SYN3: variants seen among roughly 807,000 people sequenced by gnomAD.
The protein encoded by SYN3 is synapsin III.
In SYN3, 35 loss-of-function variants were observed where a neutral mutation model predicts 65.8. The observed-to-expected ratio is 0.53, with a 90% CI of 0.41 to 0.70. The LOEUF (loss-of-function observed/expected upper bound fraction) is 0.70, where lower values mean the gene tolerates loss of function less well. Among genes scored for constraint, SYN3 ranks in the 30% least tolerant of loss-of-function variants. The probability of loss-of-function intolerance (pLI) is 0.00; values close to 1 mark genes in which losing one functional copy is unlikely to be tolerated. For missense variants in SYN3, 680 were observed against 749.0 expected, an observed-to-expected ratio of 0.91 and a Z score of 1.08; for synonymous variants, 270 against 292.9, an observed-to-expected ratio of 0.92 and a Z score of 0.80.
intron 7 of SYN3, among the ~76,000 whole-genome samples, chr22:32,559,103 A>G (rs1477709993): frequency 6.6e-6 from 1 of 152,248 alleles, no homozygotes; most frequent in African/African-American, 2.4e-5. Flanking sequence ...GGTAAGTACT[A>G]CTATTCCCAT....
At chr22:33,007,362 A>G (rs2145803597) in intron 1 of SYN3, among the ~76,000 whole-genome samples, 1 of 152,370 alleles carries the variant, frequency 6.6e-6, no homozygotes, top group African/African-American at 2.4e-5. Context: ...TGGTAACGCA[A>G]GTACATGCCT....
intron 3 of SYN3, among the ~76,000 whole-genome samples, chr22:32,948,544 G>A (rs1356178744): frequency 6.6e-6 from 1 of 152,018 alleles, no homozygotes; most frequent in Non-Finnish European, 1.5e-5. Flanking sequence ...AGACCATACT[G>A]GCTAACATGG....
At chr22:32,856,770 G>T (rs56060912) in intron 6 of SYN3, among the ~76,000 whole-genome samples, 6 of 151,974 alleles carry the variant, frequency 3.9e-5, no homozygotes, top group African/African-American at 1.5e-4. Context: ...CTTGTTCTGC[G>T]TACTCGTATT....
At chr22:32,669,221 G>T (rs1033559994) in intron 6 of SYN3, among the ~76,000 whole-genome samples, 1 of 152,152 alleles carries the variant, frequency 6.6e-6, no homozygotes, top group Non-Finnish European at 1.5e-5. Flanking sequence ...TATGCTGAAT[G>T]CTCTGATATC....
At chr22:32,964,485 T>C (rs1205507574) in intron 3 of SYN3, among the ~76,000 whole-genome samples, 1 of 150,312 alleles carries the variant, frequency 6.7e-6, no homozygotes, top group African/African-American at 2.5e-5. Context: ...CCTGAGAACA[T>C]GGATCTGAAA....
chr22:32,544,415 C>T (rs1601603894), intron 7 of SYN3, among the ~76,000 whole-genome samples: 1 of 152,336 alleles, frequency 6.6e-6, no homozygotes, highest in South Asian at 2.1e-4. Context: ...ATCTCTACAT[C>T]TTCATTCCCC....
rs758427931 is a variant in SYN3, at chr22:32,538,092, C to T, written c.936G>A (p.Gly312=). The change falls in exon 9 of 14, where the codon GGG becomes GGA. Residue 312 remains glycine, a synonymous_variant. Transcript: ENST00000358763. Reference sequence around the variant, plus strand: ...CAGAGCCTGTGTTGGCCTTCCAGTTCCCAGAGATGGAGGTTCTCCTGTACC... The same window carrying T: ...CAGAGCCTGTGTTGGCCTTCCAGTTTCCAGAGATGGAGGTTCTCCTGTACC... The part of the protein sequence containing the change: ...YKAYMRTSIS[G]NWKANTGSAM... The T allele has an allele frequency of 1.9e-6, 3 of 1,614,178 alleles. No homozygotes were observed.
intron 6 of SYN3, among the ~76,000 whole-genome samples, chr22:32,627,668 C>T (rs2059687421): frequency 6.6e-6 from 1 of 152,224 alleles, no homozygotes; most frequent in South Asian, 2.1e-4. Flanking sequence ...GACACCCAGA[C>T]ACACACAGAG....
chr22:32,824,788 T>C (rs995907895), intron 6 of SYN3, among the ~76,000 whole-genome samples: 1 of 152,188 alleles, frequency 6.6e-6, no homozygotes, highest in African/African-American at 2.4e-5. Context: ...ATGTCTTTGA[T>C]ACTGAGTAAA....
intron 7 of SYN3, among the ~76,000 whole-genome samples, chr22:32,593,239 C>A (rs544582264): frequency 6.6e-6 from 1 of 151,500 alleles, no homozygotes; most frequent in African/African-American, 2.4e-5. Context: ...AGTTTATTCT[C>A]GTCTGTGTCA....
intron 6 of SYN3, 65 bp from the exon 7 acceptor site, chr22:32,596,801 T>C (rs1307467364): frequency 6.6e-7 from 1 of 1,505,858 alleles, no homozygotes; most frequent in Non-Finnish European, 9.2e-7. Flanking sequence ...CTCTGGGTGC[T>C]GCTTGTTCCA....
intron 7 of SYN3, among the ~76,000 whole-genome samples, chr22:32,569,561 C>CTATATATATATATATATA (rs1458371419): frequency 1.9e-5 from 1 of 51,732 alleles, no homozygotes; most frequent in Non-Finnish European, 4.0e-5. Context: ...CTCTCTCTCT[C>CTATATATATATATATATA]TCTCTCTCTC....
Position 32,788,110 on chromosome 22 carries a change from G to GT in SYN3, c.711+76804dup, listed in dbSNP as rs1212479812. On this transcript the variant is annotated intron_variant, in intron 6 of 13. Transcript: ENST00000358763. ...TTGAGCAGAAGAGTAATATGATCTC[G>GT]TTTTTTTTCTCTTGAAATCGGATAA... 2.6e-4 allele frequency among the ~76,000 whole-genome samples: 39 copies of GT among 152,008 alleles called. No homozygotes were observed. The South Asian group carries it at 8.1e-3, about 32-fold the overall frequency.
intron 6 of SYN3, among the ~76,000 whole-genome samples, chr22:32,765,631 G>C (rs889868053): frequency 6.6e-6 from 1 of 152,204 alleles, no homozygotes; most frequent in Non-Finnish European, 1.5e-5. Flanking sequence ...ACTCCTGGGA[G>C]AGCTGGACAC....
intron 6 of SYN3, among the ~76,000 whole-genome samples, chr22:32,624,102 T>G (rs550468348): frequency 5.3e-5 from 8 of 152,238 alleles, no homozygotes; most frequent in Non-Finnish European, 7.3e-5. Context: ...CCTTGAAAAC[T>G]GATCCTCTTC....
chr22:32,731,986 C>A (rs114630601), intron 6 of SYN3, among the ~76,000 whole-genome samples: 23 of 152,242 alleles, frequency 1.5e-4, no homozygotes, highest in African/African-American at 5.1e-4. Context: ...TGTTTTGAGG[C>A]GACTGAGAAA....
intron 4 of SYN3, among the ~76,000 whole-genome samples, chr22:32,912,648 G>A (rs1282485442): frequency 1.3e-5 from 2 of 152,072 alleles, no homozygotes; most frequent in Non-Finnish European, 2.9e-5. Context: ...TTTAGCTCAG[G>A]AGATTGAGGC....
chr22:32,872,929 C>G (rs920442188), intron 4 of SYN3, among the ~76,000 whole-genome samples: 1 of 146,208 alleles, frequency 6.8e-6, no homozygotes, highest in African/African-American at 2.6e-5. Context: ...GCAACGTGCC[C>G]TAAGCACTTT....
At chr22:32,596,623 T>TG in intron 7 of SYN3, 51 bp downstream of exon 7, 2 of 1,591,370 alleles carry the variant, frequency 1.3e-6, no homozygotes, top group Non-Finnish European at 8.6e-7. Context: ...ACAGGTAGTC[T>TG]GGGGAATCTC....
Sources: allele counts gnomAD v4.1 joint callset (sites outside exome capture counted in the v4.1 genomes callset), GRCh38; gene constraint gnomAD v4.1.1; transcripts MANE v1.5; gene names NCBI Gene and HGNC (gene_info 2026-07-23, HGNC 2026-07-21).